The following KMT2E variants were observed in gnomAD, a reference collection of about 807,000 sequenced individuals.
The protein encoded by KMT2E is lysine methyltransferase 2E (inactive).
KMT2E carries 30 observed loss-of-function variants against 184.6 expected under a neutral mutation model. The observed-to-expected ratio is 0.16, with a 90% CI of 0.12 to 0.22. The LOEUF (loss-of-function observed/expected upper bound fraction) is 0.22, where lower values mean the gene tolerates loss of function less well. Among genes scored for constraint, KMT2E ranks in the 10% least tolerant of loss-of-function variants. The probability of loss-of-function intolerance (pLI) is 1.00; values close to 1 mark genes in which losing one functional copy is unlikely to be tolerated. For missense variants in KMT2E, 2,023 were observed against 2,237.4 expected (o/e 0.90, Z 1.93); for synonymous variants, 815 against 776.5 (o/e 1.05, Z -0.82).
chr7:105,066,126 A>G (rs1422814268), intron 5 of KMT2E, among the ~76,000 whole-genome samples: 1 of 152,008 alleles, frequency 6.6e-6, no homozygotes, highest in African/African-American at 2.4e-5. Flanking sequence ...CTTTGAATTA[A>G]TACTACATGC....
At chr7:105,084,676 A>G (rs2129568555) in intron 13 of KMT2E, among the ~76,000 whole-genome samples, 1 of 152,160 alleles carries the variant, frequency 6.6e-6, no homozygotes, top group African/African-American at 2.4e-5. Flanking sequence ...TGAAGAATTC[A>G]TGAGAACCAC....
intron 17 of KMT2E, chr7:105,103,498 G>A (rs977491625): frequency 9.2e-5 from 14 of 152,024 alleles, no homozygotes; most frequent in Non-Finnish European, 1.8e-4. Flanking sequence ...ATAGAACTAG[G>A]TTCTATCACA....
At chr7:105,070,556 C>A (rs775247703) in intron 6 of KMT2E, among the ~76,000 whole-genome samples, 11 of 146,286 alleles carry the variant, frequency 7.5e-5, no homozygotes, top group Admixed American at 2.1e-4. Flanking sequence ...ATTGCTTGAA[C>A]CTGGGAGGCA....
chr7:105,097,195 A>ATAAGT (rs1798444708), intron 15 of KMT2E, among the ~76,000 whole-genome samples: 1 of 152,200 alleles, frequency 6.6e-6, no homozygotes, highest in South Asian at 2.1e-4. Flanking sequence ...ATAAAATAGG[A>ATAAGT]TAAGTTTGTT....
At chr7:105,030,213 T>C (rs966638042) in intron 1 of KMT2E, among the ~76,000 whole-genome samples, 4 of 152,142 alleles carry the variant, frequency 2.6e-5, no homozygotes, top group African/African-American at 9.7e-5. Flanking sequence ...AGAAGTCTTT[T>C]GAGATAAAGT....
At chr7:105,054,108 C>G (rs1451634641) in intron 3 of KMT2E, among the ~76,000 whole-genome samples, 1 of 151,586 alleles carries the variant, frequency 6.6e-6, no homozygotes, top group Non-Finnish European at 1.5e-5. Context: ...GGAGGTGGAG[C>G]TTGTAGTGAG....
chr7:105,071,453 G>C (rs1409716901), intron 6 of KMT2E, among the ~76,000 whole-genome samples: 1 of 148,704 alleles, frequency 6.7e-6, no homozygotes, highest in African/African-American at 2.5e-5. Context: ...TGCAACCTCC[G>C]CCTCCTGGGT....
chr7:105,016,320 A>T (rs557308987), intron 1 of KMT2E, among the ~76,000 whole-genome samples: 1 of 152,320 alleles, frequency 6.6e-6, no homozygotes, highest in Non-Finnish European at 1.5e-5. Context: ...TGTATTTGGT[A>T]AAGTGAAGCT....
In KMT2E at chr7:105,109,328, G is replaced by A. The variant is rs149403272; in HGVS notation, c.3755+100G>A. 9.0e-4 allele frequency: 1,093 copies of A among 1,214,608 alleles called. 1 individual carries two copies. Among genetic ancestry groups the A allele is most frequent in the East Asian group, 2.4e-3 (95 of 39,066 alleles). The allele number at this position is 1,214,608 out of a possible 1,614,324, so 75.2% of individuals were successfully genotyped here. Reference sequence around the variant, plus strand: ...CCCAAGGCTAAGCTGATAGTGCTTCGTGGTCACAATTTTAAAAGATTCTCT... The same window carrying A: ...CCCAAGGCTAAGCTGATAGTGCTTCATGGTCACAATTTTAAAAGATTCTCT... On this transcript the variant is annotated intron_variant, in intron 23 of 26. Coordinates refer to ENST00000311117, the MANE Select transcript of KMT2E (RefSeq NM_182931.3).
chr7:105,113,239 A>C lies in KMT2E; in HGVS notation c.5483A>C (p.Gln1828Pro). The change falls in exon 27 of 27, where the codon CAG becomes CCG. Residue 1828 changes from glutamine to proline, a missense_variant. Gln to Pro is a moderately conservative substitution (Grantham distance 76). Coordinates refer to ENST00000311117, the MANE Select transcript of KMT2E (RefSeq NM_182931.3). Reference protein sequence around the residue: ...VALPHGVQGPQQASPVPGQIP... With the variant: ...VALPHGVQGPPQASPVPGQIP... The stretch of plus-strand genomic sequence containing the variant: ...CTGCCACATGGGGTTCAAGGACCTC[A>C]GCAGGCATCTCCAGTGCCTGGACAG... The C allele has an allele frequency of 2.5e-6, 4 of 1,614,230 alleles. No homozygotes were observed. Among genetic ancestry groups the C allele is most frequent in the Non-Finnish European group, 3.4e-6 (4 of 1,180,040 alleles).
chr7:105,086,799 TATG>T (rs1305519921), intron 13 of KMT2E, among the ~76,000 whole-genome samples: 4 of 146,668 alleles, frequency 2.7e-5, no homozygotes, highest in South Asian at 2.1e-4. Flanking sequence ...TATATAAAAA[TATG>T]ATTATATATA....
intron 6 of KMT2E, among the ~76,000 whole-genome samples, chr7:105,072,882 C>G (rs1797380048): frequency 6.6e-6 from 1 of 151,760 alleles, no homozygotes; most frequent in African/African-American, 2.4e-5. Flanking sequence ...CCATTGCACT[C>G]CAGCCTGGGC....
intron 3 of KMT2E, among the ~76,000 whole-genome samples, chr7:105,052,098 T>C (rs1281153109): frequency 1.3e-5 from 2 of 152,210 alleles, no homozygotes; most frequent in Non-Finnish European, 2.9e-5. Flanking sequence ...TTCCAGTGAC[T>C]TTCTGTTTTA....
intron 3 of KMT2E, among the ~76,000 whole-genome samples, chr7:105,059,992 T>TGTTG (rs1562898253): frequency 2.2e-4 from 16 of 72,514 alleles, no homozygotes; most frequent in African/African-American, 1.5e-3. Context: ...TTTTTTTTTT[T>TGTTG]TTTTTTTTTT....
chr7:105,063,422 A>G lies in KMT2E; in HGVS notation c.258A>G (p.Lys86=), dbSNP rs755030634. 5 of 1,613,918 alleles carry G rather than the reference A, an allele frequency of 3.1e-6. No individual in the cohort carries two copies. The Admixed American group carries it at 8.3e-5, about 27-fold the overall frequency. Residue 86 remains lysine, a synonymous_variant, in exon 5 of 27, where the codon AAA becomes AAG. Transcript: ENST00000311117. ...CTCCTCCATCAGTCCTTATTAGCAA[A>G]AATGAAGTAGGCATATTTACCACTC... ...ASPPPSVLIS[K]NEVGIFTTPN...
At chr7:105,049,812 A>G (rs1339427615) in intron 3 of KMT2E, among the ~76,000 whole-genome samples, 2 of 151,632 alleles carry the variant, frequency 1.3e-5, no homozygotes, top group Non-Finnish European at 2.9e-5. Context: ...AATTGCTTGA[A>G]CTCGGGAGGC....
intron 1 of KMT2E, among the ~76,000 whole-genome samples, chr7:105,017,148 A>C (rs1464949071): frequency 6.6e-6 from 1 of 152,174 alleles, no homozygotes; most frequent in African/African-American, 2.4e-5. Context: ...TTGGTACTTT[A>C]AACTTACTAT....
At chr7:105,038,777 T>C (rs1795766024) in intron 2 of KMT2E, among the ~76,000 whole-genome samples, 1 of 152,178 alleles carries the variant, frequency 6.6e-6, no homozygotes, top group South Asian at 2.1e-4. Flanking sequence ...CATCATTTTA[T>C]TAAATATCAA....
intron 3 of KMT2E, among the ~76,000 whole-genome samples, chr7:105,049,859 C>G (rs1796258968): frequency 1.3e-5 from 2 of 152,048 alleles, no homozygotes; most frequent in African/African-American, 4.8e-5. Flanking sequence ...CCACTGCACT[C>G]CAGCCTGGGC....
Sources: allele counts gnomAD v4.1 joint callset (sites outside exome capture counted in the v4.1 genomes callset), GRCh38; gene constraint gnomAD v4.1.1; transcripts MANE v1.5; gene names NCBI Gene and HGNC (gene_info 2026-07-23, HGNC 2026-07-21).